Variants in PRRC2B observed in about 807,000 individuals in gnomAD.
PRRC2B encodes proline rich coiled-coil 2B, also known as protein PRRC2B.
Under a neutral mutation model 242.3 loss-of-function variants are expected in PRRC2B, and 68 were observed. The ratio of observed to expected loss-of-function variants is 0.28; its 90% CI spans 0.23 to 0.34. The LOEUF is 0.34. PRRC2B is among the 10% of genes least tolerant of loss of function. The pLI is 1.00. For missense variants in PRRC2B, 2,835 were observed against 2,954.8 expected (o/e 0.96, Z 0.94); for synonymous variants, 1,228 against 1,173.6 (o/e 1.05, Z -0.95).
At position 131,428,216 on chromosome 9, in the gene PRRC2B, G is replaced by A. The variant is rs565891948; in HGVS notation, c.-51-1878G>A. ...ATTATAGGCGTGAGCCACCGTGCCCGGCCTACAAGTTTTGTTTTTTAAGAG... is the reference window on the plus strand; with the variant it reads ...ATTATAGGCGTGAGCCACCGTGCCCAGCCTACAAGTTTTGTTTTTTAAGAG... On this transcript the variant is annotated intron_variant, in intron 1 of 31. Coordinates refer to ENST00000683519, the MANE Select transcript of PRRC2B (RefSeq NM_013318.4). 1.4e-4 allele frequency among the ~76,000 whole-genome samples: 22 copies of A among 151,894 alleles called. No individual in the cohort carries two copies. In the South Asian group the frequency reaches 3.5e-3, roughly 24 times the overall value.
intron 2 of PRRC2B, among the ~76,000 whole-genome samples, chr9:131,430,869 A>T (rs955068322): frequency 1.3e-5 from 2 of 151,948 alleles, no homozygotes; most frequent in African/African-American, 4.8e-5. Context: ...CTGGGATTAC[A>T]GGTGTGAGCC....
chr9:131,465,395 T>C (rs756661724), intron 12 of PRRC2B, among the ~76,000 whole-genome samples: 19 of 152,184 alleles, frequency 1.2e-4, no homozygotes, highest in Non-Finnish European at 2.4e-4. Context: ...CAGCCCTTTT[T>C]CCTTCTCCCA....
At position 131,432,800 on chromosome 9, in the gene PRRC2B, C is replaced by A; in HGVS notation, c.293+6C>A. 6.2e-7 allele frequency: 1 copy of A among 1,613,216 alleles called. No homozygotes were observed. The highest frequency in any genetic ancestry group is 8.5e-7 in the Non-Finnish European group (1 of 1,179,526). On this transcript the variant is annotated splice_donor_region_variant and intron_variant, in intron 3 of 31. Coordinates refer to ENST00000683519, the MANE Select transcript of PRRC2B (RefSeq NM_013318.4). ...GATCAGCAAGACCCAAAGAGGTAAACGGAGGAGGCGGGTGGTGAGTGGGAG... is the reference window on the plus strand; with the variant it reads ...GATCAGCAAGACCCAAAGAGGTAAAAGGAGGAGGCGGGTGGTGAGTGGGAG...
At position 131,487,140 on chromosome 9, in the gene PRRC2B, TC is replaced by T. The variant is rs1944046106; in HGVS notation, c.5857-23del. On this transcript the variant is annotated intron_variant, in intron 26 of 31. Coordinates refer to ENST00000683519, the MANE Select transcript of PRRC2B (RefSeq NM_013318.4). The surrounding 1 kb of genome is among the most constrained non-coding windows in gnomAD (Gnocchi z 5.3). ...CACCTGGATGGGCCTTGCGGTTACCTCCCCGACCCCGTTTTCCCGTTCACAG... is the reference window on the plus strand; with the variant it reads ...CACCTGGATGGGCCTTGCGGTTACCTCCCGACCCCGTTTTCCCGTTCACAG... The T allele has an allele frequency of 3.1e-6, 5 of 1,610,556 alleles. No individual in the cohort carries two copies. Among genetic ancestry groups the T allele is most frequent in the Non-Finnish European group, 4.2e-6 (5 of 1,178,548 alleles).
At chr9:131,396,407 C>T (rs1837059961) in intron 1 of PRRC2B, among the ~76,000 whole-genome samples, 1 of 149,906 alleles carries the variant, frequency 6.7e-6, no homozygotes, top group Non-Finnish European at 1.5e-5. Context: ...CTCACTGCAA[C>T]CTCCGCCTCC....
chr9:131,437,045 G>T (rs1477025004), intron 4 of PRRC2B, among the ~76,000 whole-genome samples: 2 of 152,112 alleles, frequency 1.3e-5, no homozygotes, highest in Non-Finnish European at 2.9e-5. Flanking sequence ...GAAGCTCCAT[G>T]GAAGCGTCAC....
chr9:131,457,724 T>C (rs1943123286), intron 10 of PRRC2B, among the ~76,000 whole-genome samples: 3 of 152,140 alleles, frequency 2.0e-5, no homozygotes, highest in Non-Finnish European at 2.9e-5. Flanking sequence ...TGGCCCGTCC[T>C]TGACACCCTG....
intron 1 of PRRC2B, among the ~76,000 whole-genome samples, chr9:131,422,438 G>C (rs1279854786): frequency 1.3e-5 from 2 of 152,224 alleles, no homozygotes; most frequent in Non-Finnish European, 2.9e-5. Context: ...AGAAAGTGCT[G>C]TTATGAAGGG....
chr9:131,447,286 G>A, intron 8 of PRRC2B, 80 bp downstream of exon 8: 1 of 1,546,918 alleles, frequency 6.5e-7, no homozygotes, highest in Non-Finnish European at 8.8e-7. Flanking sequence ...CTGATGAATA[G>A]AAGTGCTGTG....
intron 9 of PRRC2B, 59 bp from the exon 10 acceptor site, chr9:131,455,017 C>A: frequency 7.4e-7 from 1 of 1,356,840 alleles, no homozygotes; most frequent in East Asian, 2.4e-5. Flanking sequence ...CCACCACGTC[C>A]GGCCACCACT....
chr9:131,490,970 C>A, intron 28 of PRRC2B: 1 of 269,394 alleles, frequency 3.7e-6, no homozygotes, highest in Non-Finnish European at 7.4e-6. Flanking sequence ...GAGTGTCCTG[C>A]AGCTGTGTCC....
intron 9 of PRRC2B, among the ~76,000 whole-genome samples, chr9:131,449,808 G>GC (rs1290386537): frequency 1.3e-5 from 2 of 152,006 alleles, no homozygotes; most frequent in Non-Finnish European, 2.9e-5. Context: ...AAAAATGTTT[G>GC]CTTCCCCTTG....
rs568443969 is a variant in PRRC2B at position 131,490,101 on chromosome 9, A to G, written c.6226-1324A>G. Among the ~76,000 whole-genome samples, 11 of 152,214 alleles carry G rather than the reference A, an allele frequency of 7.2e-5. No homozygotes were observed. In the East Asian group the frequency reaches 1.9e-3, roughly 27 times the overall value. On this transcript the variant is annotated intron_variant, in intron 28 of 31. Coordinates refer to ENST00000683519, the MANE Select transcript of PRRC2B (RefSeq NM_013318.4). ...TCCCTGGAATTGAATCTCAAATCCA[A>G]TGGACTTTCCAGCATGTCTGCTATG...
At position 131,496,082 on chromosome 9, in the gene PRRC2B, C is replaced by T. The variant is rs114082314; in HGVS notation, c.*208C>T. The T allele has an allele frequency of 1.9e-4, 119 of 629,288 alleles. No individual in the cohort carries two copies. The highest frequency in any genetic ancestry group is 1.8e-3 in the African/African-American group (96 of 54,550). 39.0% of individuals were successfully genotyped at this position (629,288 alleles called of 1,614,324 possible). On this transcript the variant is annotated 3_prime_UTR_variant, in exon 32 of 32. Transcript: ENST00000683519. ...TGGCATTGACCCGCTTGCTTTGATA[C>T]GAAACAAAAAAGCAGACGACTCCTT... is the stretch of plus-strand genomic sequence containing the variant.
At chr9:131,476,837 G>A (rs1041376100) in intron 16 of PRRC2B, among the ~76,000 whole-genome samples, 30 of 152,126 alleles carry the variant, frequency 2.0e-4, no homozygotes, top group African/African-American at 7.0e-4. Flanking sequence ...GCTGCAGCGA[G>A]GAACGTTGCC....
At chr9:131,465,155 C>T in intron 12 of PRRC2B, 77 bp downstream of exon 12, 1 of 1,379,558 alleles carries the variant, frequency 7.2e-7, no homozygotes, top group East Asian at 2.4e-5. Flanking sequence ...AACTGCCTTC[C>T]TTCTTAGCTA....
rs529491418 is a variant in PRRC2B, at chr9:131,468,575, G to A, written c.1911+822G>A. On this transcript the variant is annotated intron_variant, in intron 13 of 31. Transcript: ENST00000683519. ...AGTCTTGAAGCACTCATCAGCAATC[G>A]TGCCTACTAGAGTAGTAATAAGTAA... 4.6e-5 allele frequency among the ~76,000 whole-genome samples: 7 copies of A among 152,036 alleles called. No individual in the cohort carries two copies. The East Asian group carries it at 1.2e-3, about 25-fold the overall frequency.
intron 1 of PRRC2B, among the ~76,000 whole-genome samples, chr9:131,410,154 GGGA>G (rs1837469201): frequency 6.6e-6 from 1 of 152,196 alleles, no homozygotes; most frequent in Non-Finnish European, 1.5e-5. Context: ...TCTTCAAAGC[GGGA>G]GGTAGGCAGG....
chr9:131,416,397 GC>G (rs1318494117), intron 1 of PRRC2B, among the ~76,000 whole-genome samples: 3 of 152,156 alleles, frequency 2.0e-5, no homozygotes, highest in Non-Finnish European at 4.4e-5. Context: ...GTGAGCCACT[GC>G]GCCTGGCCTC....
Sources: gnomAD v4.1 joint callset for allele counts (sites outside exome capture counted in the v4.1 genomes callset) on GRCh38, gnomAD v4.1.1 for gene constraint, Gnocchi (gnomAD v3.1) non-coding constraint, MANE v1.5 for transcripts, NCBI Gene and HGNC (gene_info 2026-07-23, HGNC 2026-07-21) for gene names.